The following ASPH variants were observed in gnomAD, a reference collection of about 807,000 sequenced individuals.
ASPH encodes aspartate beta-hydroxylase.
A neutral mutation model predicts 118.4 loss-of-function variants in ASPH; 100 were observed. The ratio of observed to expected loss-of-function variants is 0.84; its 90% CI spans 0.72 to 1.00. ASPH has a LOEUF of 1.00. Ranked by LOEUF, ASPH falls within the 50% of genes least tolerant of loss-of-function variation. The pLI, the probability that ASPH is intolerant of heterozygous loss-of-function variation, is 0.00. For synonymous variants in ASPH, 315 were observed against 325.6 expected, an observed-to-expected ratio of 0.97 and a Z score of 0.35; for missense variants, 920 against 919.5, an observed-to-expected ratio of 1.00 and a Z score of -0.01.
At chr8:61,518,309 C>T (rs905725967) in intron 22 of ASPH, among the ~76,000 whole-genome samples, 186 bp from the exon 23 acceptor site, 3 of 152,150 alleles carry the variant, frequency 2.0e-5, no homozygotes, top group Non-Finnish European at 4.4e-5. Context: ...ATAAAGAAGA[C>T]GTGTCTTGCT....
intron 14 of ASPH, among the ~76,000 whole-genome samples, chr8:61,608,431 C>T (rs76132602): frequency 0.024 from 3,620 of 152,318 alleles, 67 homozygotes; most frequent in Middle Eastern, 0.068. Context: ...AAGGTTTCCT[C>T]AGCTCCTCAG....
chr8:61,692,216 A>T (rs1286013864), intron 1 of ASPH, among the ~76,000 whole-genome samples: 1 of 152,238 alleles, frequency 6.6e-6, no homozygotes, highest in Non-Finnish European at 1.5e-5. Flanking sequence ...TATGGAGATC[A>T]GGAGAAAACC....
chr8:61,602,328 T>C (rs1844237065), intron 14 of ASPH, among the ~76,000 whole-genome samples: 1 of 151,400 alleles, frequency 6.6e-6, no homozygotes, highest in Non-Finnish European at 1.5e-5. Flanking sequence ...GTGCAATTTA[T>C]ATTATACACA....
At chr8:61,693,673 T>G (rs1360358925) in intron 1 of ASPH, among the ~76,000 whole-genome samples, 1 of 152,126 alleles carries the variant, frequency 6.6e-6, no homozygotes, top group Non-Finnish European at 1.5e-5. Flanking sequence ...ATGGGAACAT[T>G]CACTCTTTGA....
Position 61,500,615 on chromosome 8 carries a change from T to C in ASPH, c.*2744A>G, listed in dbSNP as rs946695744. On this transcript the variant is annotated 3_prime_UTR_variant, in exon 25 of 25. Transcript: ENST00000379454. ...CCTTAGAAATGGAGTCCCCAACTAC[T>C]CATTCAAAAGAAATCAGACATAAAA... 2.0e-5 allele frequency: 3 copies of C among 147,610 alleles called. No homozygotes were observed. The highest frequency in any genetic ancestry group is 7.8e-5 in the African/African-American group (3 of 38,350). The allele number at this position is 147,610 out of a possible 1,614,324, so 9.1% of individuals were successfully genotyped here. A position where few individuals can be genotyped will look rare whatever the true frequency, so the allele number is the denominator to read the frequency against.
chr8:61,531,569 T>C (rs1436808249), intron 21 of ASPH, among the ~76,000 whole-genome samples: 1 of 151,984 alleles, frequency 6.6e-6, no homozygotes, highest in African/African-American at 2.4e-5. Flanking sequence ...ATTTTTATTT[T>C]AAAAATGTAT....
intron 14 of ASPH, among the ~76,000 whole-genome samples, chr8:61,589,467 C>T (rs1840443276): frequency 6.6e-6 from 1 of 152,188 alleles, no homozygotes; most frequent in Admixed American, 6.5e-5. Flanking sequence ...CACTTACCTG[C>T]ACACAAAAAG....
chr8:61,637,798 GAA>G, intron 12 of ASPH, 147 bp downstream of exon 12: 1 of 688,220 alleles, frequency 1.5e-6, no homozygotes, highest in South Asian at 2.0e-5. Flanking sequence ...CAGCCCCAAT[GAA>G]AAGAGGACTC....
At chr8:61,624,805 T>A in intron 13 of ASPH, 1 of 985,692 alleles carries the variant, frequency 1.0e-6, no homozygotes, top group Non-Finnish European at 1.2e-6. Flanking sequence ...TATGGCTTTA[T>A]AAAAAGTAGC....
chr8:61,551,472 T>A (rs1825980502), intron 20 of ASPH, among the ~76,000 whole-genome samples: 1 of 152,246 alleles, frequency 6.6e-6, no homozygotes, highest in Non-Finnish European at 1.5e-5. Flanking sequence ...TAAGAACGAA[T>A]CCTTCTGAAC....
chr8:61,640,885 G>A (rs919757946), intron 10 of ASPH, among the ~76,000 whole-genome samples: 3 of 152,158 alleles, frequency 2.0e-5, no homozygotes, highest in Admixed American at 6.6e-5. Context: ...TAGTTCTATC[G>A]AAGTGTATGT....
rs180817422 is a variant in ASPH, at chr8:61,624,865, C to T, written c.935-5846G>A. 17 of 985,592 alleles carry T rather than the reference C, an allele frequency of 1.7e-5. No individual in the cohort carries two copies. In the Admixed American group the frequency reaches 4.3e-4, roughly 25 times the overall value. The allele number at this position is 985,592 out of a possible 1,614,324, so 61.1% of individuals were successfully genotyped here. A position where few individuals can be genotyped will look rare whatever the true frequency, so the allele number is the denominator to read the frequency against. On this transcript the variant is annotated intron_variant, in intron 13 of 24. Transcript: ENST00000379454. ...TTTTATTATAATTTGAGTATCATCT[C>T]TGTATCACCGACAGCACAGCTTTAG...
At chr8:61,694,657 C>T (rs1021945864) in intron 1 of ASPH, among the ~76,000 whole-genome samples, 3 of 152,108 alleles carry the variant, frequency 2.0e-5, no homozygotes, top group African/African-American at 7.2e-5. Context: ...GTCTCCTTTG[C>T]TAGCTCACTC....
chr8:61,714,536 G>T lies in ASPH; in HGVS notation c.-165C>A. ...CAGCACCGCCTGCAGCACCTGGGAAGACTTCACCCGCCTGCCGGCTGCGCG... is the reference window on the plus strand; with the variant it reads ...CAGCACCGCCTGCAGCACCTGGGAATACTTCACCCGCCTGCCGGCTGCGCG... On this transcript the variant is annotated 5_prime_UTR_variant, in exon 1 of 25. Transcript: ENST00000379454. 1 of 1,067,324 alleles carries T rather than the reference G, an allele frequency of 9.4e-7. No homozygotes were observed. The highest frequency in any genetic ancestry group is 1.2e-6 in the Non-Finnish European group (1 of 823,822). 66.1% of individuals were successfully genotyped at this position (1,067,324 alleles called of 1,614,324 possible).
chr8:61,595,848 G>A (rs1413534870), intron 14 of ASPH, among the ~76,000 whole-genome samples: 1 of 152,110 alleles, frequency 6.6e-6, no homozygotes. Flanking sequence ...CATAGCTGTT[G>A]GCACCTAAGC....
rs1433891538 is a variant in ASPH, at chr8:61,668,261, C to A, written c.322+12707G>T. The A allele has an allele frequency of 5.6e-6, 9 of 1,609,312 alleles. No individual in the cohort carries two copies. The highest frequency in any genetic ancestry group is 7.6e-6 in the Non-Finnish European group (9 of 1,177,168). ...TTAGCCTTAGTTTTTCTCTTGGCTA[C>A]CCCACTGGGTCCTTCTGTTGACATT... On this transcript the variant is annotated intron_variant, in intron 3 of 24. Transcript: ENST00000379454.
chr8:61,591,040 G>A (rs968161280), intron 14 of ASPH, among the ~76,000 whole-genome samples: 8 of 152,120 alleles, frequency 5.3e-5, no homozygotes, highest in East Asian at 1.9e-4. Context: ...CACAGTGCTC[G>A]CTCAAACTCT....
Position 61,570,216 on chromosome 8 carries a change from T to C in ASPH, c.1150-2898A>G, listed in dbSNP as rs367680743. ...AAATTACCTAGCATATAGCCTATTT[T>C]ATAATAAAATGTTGAATATCTCATG... On this transcript the variant is annotated intron_variant, in intron 16 of 24. Transcript: ENST00000379454. 5.3e-5 allele frequency among the ~76,000 whole-genome samples: 8 copies of C among 152,240 alleles called. No homozygotes were observed. In the East Asian group the frequency reaches 9.6e-4, roughly 18 times the overall value.
chr8:61,694,244 C>T (rs1335424601), intron 1 of ASPH, among the ~76,000 whole-genome samples: 2 of 152,166 alleles, frequency 1.3e-5, no homozygotes, highest in Non-Finnish European at 2.9e-5. Flanking sequence ...TCAGCTACCT[C>T]GCACTCTGCA....
Sources: gnomAD v4.1 joint callset for allele counts (sites outside exome capture counted in the v4.1 genomes callset) on GRCh38, gnomAD v4.1.1 for gene constraint, MANE v1.5 for transcripts, NCBI Gene and HGNC (gene_info 2026-07-23, HGNC 2026-07-21) for gene names.